The following MACROD2 variants were observed in gnomAD, a reference collection of about 807,000 sequenced individuals.
MACROD2 encodes mono-ADP ribosylhydrolase 2, also known as ADP-ribose glycohydrolase MACROD2.
A neutral mutation model predicts 70.4 loss-of-function variants in MACROD2; 36 were observed. The observed-to-expected ratio is 0.51, with a 90% confidence interval of 0.39 to 0.68. MACROD2 has a LOEUF of 0.68. Ranked by LOEUF, MACROD2 falls within the 30% of genes least tolerant of loss-of-function variation. MACROD2 has a pLI of 0.00. For missense variants in MACROD2, 496 were observed against 538.4 expected, an observed-to-expected ratio of 0.92 and a Z score of 0.78; for synonymous variants, 172 against 178.8, an observed-to-expected ratio of 0.96 and a Z score of 0.30.
chr20:15,925,728 C>G lies in MACROD2; in HGVS notation c.776-7548C>G, dbSNP rs140479807. On this transcript the variant is annotated intron_variant, in intron 10 of 17. Coordinates refer to ENST00000684519, the MANE Select transcript of MACROD2 (RefSeq NM_001351661.2). ...ACCTACAGTTTCATGCATTTCGTCT[C>G]TTTGAACACGTGTTATTAAACTGAA... Among the ~76,000 whole-genome samples the G allele has an allele frequency of 3.6e-3, 545 of 152,296 alleles. 2 individuals are homozygous for G. The highest frequency in any genetic ancestry group is 0.013 in the African/African-American group (522 of 41,550).
At chr20:14,620,180 A>AGT (rs1983748875) in intron 4 of MACROD2, among the ~76,000 whole-genome samples, 1 of 151,912 alleles carries the variant, frequency 6.6e-6, no homozygotes, top group South Asian at 2.1e-4. Context: ...TGGCCAGTGA[A>AGT]GTGTGCATAA....
At chr20:15,285,816 C>T (rs2077485800) in intron 6 of MACROD2, among the ~76,000 whole-genome samples, 1 of 152,068 alleles carries the variant, frequency 6.6e-6, no homozygotes, top group Non-Finnish European at 1.5e-5. Context: ...AACAGAAGTT[C>T]CTACTATGAA....
rs1322248646 is a variant in MACROD2, at chr20:16,052,766, T to G, written c.*2890T>G. On this transcript the variant is annotated 3_prime_UTR_variant, in exon 18 of 18. Transcript: ENST00000684519. ...GATGCACTTGATTTGAAAAGACATT[T>G]CTCTGTATGTGGCGCATGTCGGCTT... 1 of 152,586 alleles carries G rather than the reference T, an allele frequency of 6.6e-6. No homozygotes were observed. Among genetic ancestry groups the G allele is most frequent in the Admixed American group, 6.5e-5 (1 of 15,270 alleles). The allele number at this position is 152,586 out of a possible 1,614,324, so 9.5% of individuals were successfully genotyped here. A position where few individuals can be genotyped will look rare whatever the true frequency, so the allele number is the denominator to read the frequency against.
chr20:15,678,169 A>G (rs927153150), intron 8 of MACROD2, among the ~76,000 whole-genome samples: 3 of 152,234 alleles, frequency 2.0e-5, no homozygotes, highest in Non-Finnish European at 2.9e-5. Context: ...AGTAAATTAT[A>G]GACTTAAGAT....
chr20:15,815,497 C>T (rs1374429424), intron 8 of MACROD2, among the ~76,000 whole-genome samples: 1 of 151,922 alleles, frequency 6.6e-6, no homozygotes, highest in Non-Finnish European at 1.5e-5. Flanking sequence ...CTGTTAGATG[C>T]CTCCTTTTAT....
chr20:15,797,446 TGGTTACA>T (rs2063685155), intron 8 of MACROD2, among the ~76,000 whole-genome samples: 1 of 152,138 alleles, frequency 6.6e-6, no homozygotes, highest in Non-Finnish European at 1.5e-5. Context: ...AGTGACCCCA[TGGTTACA>T]AAGTAGCTGT....
At chr20:15,054,252 T>A (rs570283171) in intron 5 of MACROD2, among the ~76,000 whole-genome samples, 1 of 152,352 alleles carries the variant, frequency 6.6e-6, no homozygotes, top group East Asian at 1.9e-4. Flanking sequence ...TAAAATAAAT[T>A]CTACTGTGTG....
At chr20:14,839,524 A>G (rs1244877344) in intron 5 of MACROD2, among the ~76,000 whole-genome samples, 1 of 152,016 alleles carries the variant, frequency 6.6e-6, no homozygotes, top group Non-Finnish European at 1.5e-5. Flanking sequence ...GAGGTTTCCC[A>G]TTTCCCATAA....
chr20:14,217,381 T>G (rs1390533400), intron 3 of MACROD2, among the ~76,000 whole-genome samples: 1 of 152,212 alleles, frequency 6.6e-6, no homozygotes, highest in Non-Finnish European at 1.5e-5. Flanking sequence ...TGGATTACCT[T>G]TTTGATATGT....
chr20:14,625,879 A>G (rs1286406151), intron 4 of MACROD2, among the ~76,000 whole-genome samples: 3 of 152,058 alleles, frequency 2.0e-5, no homozygotes, highest in Non-Finnish European at 4.4e-5. Context: ...CTGGAGTGCA[A>G]TGGTGCAATC....
Position 15,785,032 on chromosome 20 carries a change from G to A in MACROD2, c.646-77713G>A, listed in dbSNP as rs372065170. Reference sequence around the variant, plus strand: ...CCGGGCATGGTGGCGGGCGCCTGTAGTCCCAGCTACTCGGGAGGCTGAGGC... The same window carrying A: ...CCGGGCATGGTGGCGGGCGCCTGTAATCCCAGCTACTCGGGAGGCTGAGGC... On this transcript the variant is annotated intron_variant, in intron 8 of 17. Coordinates refer to ENST00000684519, the MANE Select transcript of MACROD2 (RefSeq NM_001351661.2). Among the ~76,000 whole-genome samples the A allele has an allele frequency of 3.1e-3, 465 of 151,622 alleles. 4 individuals are homozygous for A. The highest frequency in any genetic ancestry group is 9.6e-3 in the African/African-American group (397 of 41,384).
chr20:15,325,460 A>G (rs560397800), intron 6 of MACROD2, among the ~76,000 whole-genome samples: 85 of 152,206 alleles, frequency 5.6e-4, no homozygotes, highest in African/African-American at 1.9e-3. Context: ...CTCATATGCC[A>G]TTGTTCTCCT....
At chr20:15,377,091 C>T (rs971594368) in intron 6 of MACROD2, among the ~76,000 whole-genome samples, 2 of 152,020 alleles carry the variant, frequency 1.3e-5, no homozygotes, top group African/African-American at 2.4e-5. Flanking sequence ...GGGGTTTCAC[C>T]GTGTTAGCCA....
intron 5 of MACROD2, among the ~76,000 whole-genome samples, chr20:15,082,532 T>A (rs1261440234): frequency 7.2e-6 from 1 of 138,018 alleles, no homozygotes; most frequent in Non-Finnish European, 1.6e-5. Context: ...GGTTTTTTTT[T>A]TTTTTTTTTT....
In MACROD2 at chr20:16,051,647, G is replaced by A. The variant is rs116142674; in HGVS notation, c.*1771G>A. 7.4e-4 allele frequency: 112 copies of A among 152,240 alleles called. No individual in the cohort carries two copies. The highest frequency in any genetic ancestry group is 6.8e-3 in the Middle Eastern group (2 of 294). The allele number at this position is 152,240 out of a possible 1,614,324, so 9.4% of individuals were successfully genotyped here. ...TTGCTTTTCAGAAAAGTAACGAAAA[G>A]GCTCATTTTAAAGAATCCAAGAAAC... On this transcript the variant is annotated 3_prime_UTR_variant, in exon 18 of 18. Transcript: ENST00000684519.
At chr20:15,470,690 C>G (rs548857151) in intron 7 of MACROD2, among the ~76,000 whole-genome samples, 2 of 152,294 alleles carry the variant, frequency 1.3e-5, no homozygotes, top group East Asian at 3.9e-4. Context: ...TTCTCAGTGG[C>G]AGGACACTGG....
At chr20:15,175,931 G>T (rs1480841169) in intron 5 of MACROD2, among the ~76,000 whole-genome samples, 3 of 152,178 alleles carry the variant, frequency 2.0e-5, no homozygotes, top group Non-Finnish European at 4.4e-5. Context: ...CCAGACCTGG[G>T]AATCTCTGCA....
intron 7 of MACROD2, among the ~76,000 whole-genome samples, chr20:15,452,049 T>G (rs941284267): frequency 6.6e-6 from 1 of 152,190 alleles, no homozygotes; most frequent in African/African-American, 2.4e-5. Flanking sequence ...AGTGTCTGTC[T>G]GTGCGCTTAC....
intron 4 of MACROD2, among the ~76,000 whole-genome samples, chr20:14,620,647 TG>T (rs1228232043): frequency 2.6e-5 from 4 of 152,136 alleles, no homozygotes; most frequent in Admixed American, 2.6e-4. Flanking sequence ...AGGTCATATT[TG>T]GGAACAAGGA....
Sources: gnomAD v4.1 joint callset for allele counts (sites outside exome capture counted in the v4.1 genomes callset) on GRCh38, gnomAD v4.1.1 for gene constraint, MANE v1.5 for transcripts, NCBI Gene and HGNC (gene_info 2026-07-23, HGNC 2026-07-21) for gene names.